The following INTS1 variants were observed in gnomAD, a reference collection of about 807,000 sequenced individuals.
The protein encoded by INTS1 is integrator complex subunit 1.
A neutral mutation model predicts 241.6 loss-of-function variants in INTS1; 137 were observed. The ratio of observed to expected loss-of-function variants is 0.57; its 90% CI spans 0.49 to 0.65. INTS1 has a LOEUF of 0.65. Among genes scored for constraint, INTS1 ranks in the 30% least tolerant of loss-of-function variants. INTS1 has a pLI of 0.00. For synonymous variants in INTS1, 1,692 were observed against 1,337.8 expected (o/e 1.26, Z -5.78); for missense variants, 3,073 against 3,032.2 (o/e 1.01, Z -0.32).
In INTS1 at chr7:1,485,157, T is replaced by G. The variant is rs774228382; in HGVS notation, c.3202A>C (p.Ile1068Leu). ...ACAGGCGTGTGCTGGGACAAGTAGA[T>G]CAGGTAGGCGCTGATGGTCTGGGGA... ...TDPQTISAYLIYLSQHTPVEE... is the reference protein window; with the variant it reads ...TDPQTISAYLLYLSQHTPVEE... Residue 1068 changes from isoleucine (I) to leucine (L), a missense_variant, in exon 24 of 48, where the codon ATC becomes CTC. Ile to Leu is a conservative substitution (Grantham distance 5). Coordinates refer to ENST00000404767, the MANE Select transcript of INTS1 (RefSeq NM_001080453.3). The G allele has an allele frequency of 3.7e-6, 6 of 1,600,904 alleles. No homozygotes were observed. Among genetic ancestry groups the G allele is most frequent in the Non-Finnish European group, 5.1e-6 (6 of 1,179,630 alleles).
intron 12 of INTS1, 138 bp from the exon 13 acceptor site, chr7:1,495,691 C>T: frequency 9.0e-7 from 1 of 1,115,050 alleles, no homozygotes; most frequent in South Asian, 1.4e-5. Context: ...CGATTCCCAG[C>T]TGGAATAACA....
intron 40 of INTS1, 110 bp from the exon 41 acceptor site, chr7:1,474,470 C>A: frequency 2.7e-6 from 3 of 1,109,544 alleles, no homozygotes; most frequent in East Asian, 2.9e-5. Flanking sequence ...TGCTGCCCCC[C>A]AACCACCCTC....
At chr7:1,498,341 C>A (rs562873235) in intron 10 of INTS1, 71 bp downstream of exon 10, 2 of 1,578,394 alleles carry the variant, frequency 1.3e-6, no homozygotes, top group Non-Finnish European at 8.6e-7. Flanking sequence ...CCTCCCCAGA[C>A]GCCACGTGCC....
chr7:1,501,604 T>C (rs1007064536), intron 3 of INTS1, among the ~76,000 whole-genome samples: 7 of 152,270 alleles, frequency 4.6e-5, no homozygotes, highest in African/African-American at 1.2e-4. Flanking sequence ...CAGGAGGTAG[T>C]GCTAAAGATA....
At chr7:1,489,747 G>A in intron 16 of INTS1, 65 bp from the exon 17 acceptor site, 1 of 1,224,798 alleles carries the variant, frequency 8.2e-7, no homozygotes, top group Non-Finnish European at 1.1e-6. Context: ...GATCGGCCGG[G>A]CCAGGTGGCA....
chr7:1,472,431 C>T (rs1330211547), intron 43 of INTS1, 45 bp from the exon 44 acceptor site: 42 of 1,371,940 alleles, frequency 3.1e-5, no homozygotes, highest in Non-Finnish European at 3.9e-5. Context: ...AGCGGCAGGA[C>T]GTGCCACACT....
Position 1,486,683 on chromosome 7 carries a change from T to C in INTS1, c.2918A>G (p.Asp973Gly). The change falls in exon 22 of 48, where the codon GAC becomes GGC. Residue 973 changes from aspartate to glycine, a missense_variant. Coordinates refer to ENST00000404767, the MANE Select transcript of INTS1 (RefSeq NM_001080453.3). ...ADEQTTCEVL[D>G]YFLRRLGSSQ... is the part of the protein sequence containing the mutation. The stretch of plus-strand genomic sequence containing the variant: ...GGAGCCGAGGCGCCGCAAGAAGTAG[T>C]CCAGCACCTCACACGTGGTCTGCTC... 6.2e-7 allele frequency: 1 copy of C among 1,612,524 alleles called. No homozygotes were observed. The highest frequency in any genetic ancestry group is 8.5e-7 in the Non-Finnish European group (1 of 1,179,744).
chr7:1,500,020 G>C lies in INTS1; in HGVS notation c.548C>G (p.Ala183Gly), dbSNP rs780933194. The change falls in exon 5 of 48, where the codon GCT becomes GGT. Residue 183 changes from alanine to glycine, a missense_variant and splice_region_variant. Physicochemically the swap from Ala to Gly is moderately conservative, Grantham distance 60 (BLOSUM62 0). Transcript: ENST00000404767. ...NIFATEGVIE[A>G]LCSLLRRDAS... is the part of the protein sequence containing the mutation. Reference sequence around the variant, plus strand: ...GTCCCGCCGCAGGAGGCTACACAGAGCCTGCCAGGGAGGGCGCATGTCACG... The same window carrying C: ...GTCCCGCCGCAGGAGGCTACACAGACCCTGCCAGGGAGGGCGCATGTCACG... 2 of 1,613,018 alleles carry C rather than the reference G, an allele frequency of 1.2e-6. No homozygotes were observed. Among genetic ancestry groups the C allele is most frequent in the African/African-American group, 1.3e-5 (1 of 74,930 alleles).
intron 6 of INTS1, 27 bp downstream of exon 6, chr7:1,499,446 C>T (rs751018864): frequency 5.7e-6 from 9 of 1,576,098 alleles, no homozygotes; most frequent in Non-Finnish European, 7.8e-6. Context: ...TGGACACCCG[C>T]CCTCTCTGGC....
At position 1,495,452 on chromosome 7, in the gene INTS1, G is replaced by C; in HGVS notation, c.1813C>G (p.Pro605Ala). Reference sequence around the variant, plus strand: ...CCGCACCAGTGCACGTAGTCCTTAGGGGCGAGCTTGCTGATGGAGGGGACC... The same window carrying C: ...CCGCACCAGTGCACGTAGTCCTTAGCGGCGAGCTTGCTGATGGAGGGGACC... ...TVVPSISKLA[P>A]KDYVHCLHKV... is the part of the protein sequence containing the mutation. Residue 605 changes from proline to alanine, a missense_variant, in exon 13 of 48, where the codon CCT becomes GCT. Physicochemically the swap from Pro to Ala is conservative, Grantham distance 27 (BLOSUM62 -1). Coordinates refer to ENST00000404767, the MANE Select transcript of INTS1 (RefSeq NM_001080453.3). The C allele has an allele frequency of 6.2e-7, 1 of 1,612,338 alleles. No homozygotes were observed.
intron 42 of INTS1, 138 bp from the exon 43 acceptor site, chr7:1,473,322 G>A: frequency 1.4e-6 from 1 of 709,540 alleles, no homozygotes. Flanking sequence ...GGGAGGGCCG[G>A]GCGGGGAAGC....
At chr7:1,504,236 G>A (rs1037528038) in intron 1 of INTS1, 87 bp downstream of exon 1, 3 of 552,244 alleles carry the variant, frequency 5.4e-6, no homozygotes, top group Admixed American at 3.3e-5. Context: ...AGAACCAGAA[G>A]GGACGGCCCA....
rs768841370 is a variant in INTS1 at position 1,496,259 on chromosome 7, G to T, written c.1608C>A (p.Arg536=). The T allele has an allele frequency of 1.9e-6, 3 of 1,613,608 alleles. No individual in the cohort carries two copies. The highest frequency in any genetic ancestry group is 2.7e-5 in the African/African-American group (2 of 75,052). The stretch of plus-strand genomic sequence containing the variant: ...GGACGTCGGTGATGTGCACCACGAA[G>T]CGCTCCTGCAGGTGCAGCACGGGGT... ...PQYLEMEFKE[R]FVVHITDVLA... Residue 536 remains arginine, a synonymous_variant, in exon 12 of 48, where the codon CGC becomes CGA. Transcript: ENST00000404767.
intron 32 of INTS1, 76 bp from the exon 33 acceptor site, chr7:1,478,582 C>G: frequency 1.3e-6 from 2 of 1,544,182 alleles, no homozygotes; most frequent in Non-Finnish European, 1.8e-6. Flanking sequence ...GGAGGCCCCA[C>G]GGTAGAAGGG....
intron 38 of INTS1, 68 bp downstream of exon 38, chr7:1,476,160 CA>C (rs1781707053): frequency 6.6e-7 from 1 of 1,526,366 alleles, no homozygotes; most frequent in African/African-American, 1.4e-5. Flanking sequence ...GGAACCCACC[CA>C]GGGCTGGGCC....
In INTS1 at chr7:1,487,371, G is replaced by C. The variant is rs1245436061; in HGVS notation, c.2595C>G (p.Leu865=). The change falls in exon 20 of 48, where the codon CTC becomes CTG. Residue 865 remains leucine, a synonymous_variant. Transcript: ENST00000404767. ...SLNQSLRLGH[L]LCRSRNPDFL... ...AGTCAGGGTTTCGGCTGCGGCACAA[G>C]AGGTGCCCGAGGCGGAGGGACTGGT... The C allele has an allele frequency of 2.5e-6, 4 of 1,610,334 alleles. No individual in the cohort carries two copies. The highest frequency in any genetic ancestry group is 1.7e-5 in the Admixed American group (1 of 59,686).
In INTS1 at chr7:1,470,855, G is replaced by A. The variant is rs972194496; in HGVS notation, c.6448C>T (p.Leu2150=). 3.1e-6 allele frequency: 5 copies of A among 1,589,256 alleles called. No homozygotes were observed. The highest frequency in any genetic ancestry group is 4.3e-6 in the Non-Finnish European group (5 of 1,168,810). The change falls in exon 47 of 48, where the codon CTG becomes TTG. Residue 2150 remains leucine (L), a synonymous_variant. Transcript: ENST00000404767. ...ALRNLPEYAL[L]CQEHAAVLLH... ...GGGGGCCAGTCCTCACCTTGGCACA[G>A]GAGAGCGTACTCAGGCAGGTTCCGG...
Position 1,479,687 on chromosome 7 carries a change from G to A in INTS1, c.4075-3C>T. On this transcript the variant is annotated splice_region_variant and splice_polypyrimidine_tract_variant and intron_variant, in intron 30 of 47. Coordinates refer to ENST00000404767, the MANE Select transcript of INTS1 (RefSeq NM_001080453.3). ...GGGTCCGGGCTGAGCGGGAAAATCT[G>A]GAACGGGGAAGGCCAGTGTCAGGAG... 1 of 1,461,758 alleles carries A rather than the reference G, an allele frequency of 6.8e-7. No homozygotes were observed. The allele number at this position is 1,461,758 out of a possible 1,614,324, so 90.5% of individuals were successfully genotyped here.
intron 10 of INTS1, 44 bp downstream of exon 10, chr7:1,498,368 C>A: frequency 6.2e-7 from 1 of 1,608,642 alleles, no homozygotes; most frequent in Non-Finnish European, 8.5e-7. Flanking sequence ...GCCCAGAGCC[C>A]CATATTCCGG....
Sources: gnomAD v4.1 joint callset for allele counts (sites outside exome capture counted in the v4.1 genomes callset) on GRCh38, gnomAD v4.1.1 for gene constraint, MANE v1.5 for transcripts, NCBI Gene and HGNC (gene_info 2026-07-23, HGNC 2026-07-21) for gene names.